Variants in XYLT1 observed in about 807,000 individuals in gnomAD.
XYLT1 encodes the protein beta-D-xylosyltransferase 1.
XYLT1 carries 36 observed loss-of-function variants against 91.3 expected under a neutral mutation model. The observed-to-expected ratio is 0.39, with a 90% CI of 0.30 to 0.52. The LOEUF is 0.52. Among genes scored for constraint, XYLT1 ranks in the 20% least tolerant of loss-of-function variants. XYLT1 has a pLI of 0.68. For missense variants in XYLT1, 1,242 were observed against 1,284.5 expected (o/e 0.97, Z 0.51); for synonymous variants, 588 against 532.0 (o/e 1.11, Z -1.45).
chr16:17,389,761 C>T (rs1469611819), intron 1 of XYLT1, among the ~76,000 whole-genome samples: 1 of 152,214 alleles, frequency 6.6e-6, no homozygotes, highest in East Asian at 1.9e-4. Flanking sequence ...GTGTAGGCTT[C>T]AAGACAGGAT....
intron 2 of XYLT1, among the ~76,000 whole-genome samples, chr16:17,302,345 C>T (rs1256349566): frequency 6.6e-6 from 1 of 152,148 alleles, no homozygotes; most frequent in Admixed American, 6.5e-5. Context: ...CCAGGGGACA[C>T]CGTCGTAGCA....
At chr16:17,342,924 T>C (rs892305196) in intron 2 of XYLT1, among the ~76,000 whole-genome samples, 3 of 152,136 alleles carry the variant, frequency 2.0e-5, no homozygotes, top group Non-Finnish European at 1.5e-5. Flanking sequence ...ATTGCGATGA[T>C]GAAAAGCAAA....
intron 4 of XYLT1, among the ~76,000 whole-genome samples, chr16:17,200,164 T>C (rs2032507493): frequency 6.6e-6 from 1 of 151,082 alleles, no homozygotes; most frequent in Non-Finnish European, 1.5e-5. Context: ...GAGGTTGCAG[T>C]GAGCGGAGAT....
intron 1 of XYLT1, among the ~76,000 whole-genome samples, chr16:17,438,248 GCGC>G (rs2036486054): frequency 6.6e-6 from 1 of 152,146 alleles, no homozygotes; most frequent in African/African-American, 2.4e-5. Flanking sequence ...GATGTTAATA[GCGC>G]TCTCCCCTAA....
In XYLT1 at chr16:17,263,897, C is replaced by T. The variant is rs550754002; in HGVS notation, c.403-4399G>A. Among the ~76,000 whole-genome samples the T allele has an allele frequency of 3.3e-5, 5 of 152,124 alleles. No homozygotes were observed. In the South Asian group the frequency reaches 6.2e-4, roughly 19 times the overall value. Reference sequence around the variant, plus strand: ...CTAATTTTTGTATTTTTAGTAGAGACGGGTTTTCACCATGTTGGCCAGGCT... The same window carrying T: ...CTAATTTTTGTATTTTTAGTAGAGATGGGTTTTCACCATGTTGGCCAGGCT... On this transcript the variant is annotated intron_variant, in intron 2 of 11. Coordinates refer to ENST00000261381, the MANE Select transcript of XYLT1 (RefSeq NM_022166.4).
At chr16:17,208,850 G>T (rs1043985758) in intron 3 of XYLT1, among the ~76,000 whole-genome samples, 25 of 152,192 alleles carry the variant, frequency 1.6e-4, no homozygotes, top group African/African-American at 5.8e-4. Context: ...TCAGCCTCCT[G>T]AGGAGCTGAG....
chr16:17,252,738 C>A (rs983554757), intron 3 of XYLT1, among the ~76,000 whole-genome samples: 1 of 152,104 alleles, frequency 6.6e-6, no homozygotes, highest in Non-Finnish European at 1.5e-5. Flanking sequence ...GGACAGAGAG[C>A]GTGAGGGACA....
At chr16:17,379,763 T>TCTCTCTCA (rs373354877) in intron 1 of XYLT1, among the ~76,000 whole-genome samples, 30 of 125,618 alleles carry the variant, frequency 2.4e-4, no homozygotes, top group South Asian at 5.5e-4. Context: ...TCTCTCTCTC[T>TCTCTCTCA]CACACACACA....
chr16:17,440,965 GCCTA>G (rs929214824), intron 1 of XYLT1, among the ~76,000 whole-genome samples: 1 of 152,154 alleles, frequency 6.6e-6, no homozygotes, highest in African/African-American at 2.4e-5. Flanking sequence ...CATAACCAGT[GCCTA>G]CCTATGTTCT....
chr16:17,380,253 ACT>A (rs2035662487), intron 1 of XYLT1, among the ~76,000 whole-genome samples: 1 of 152,040 alleles, frequency 6.6e-6, no homozygotes, highest in South Asian at 2.1e-4. Flanking sequence ...ATGCCACTGA[ACT>A]CCAGCCTGGG....
chr16:17,394,618 C>T (rs373105452), intron 1 of XYLT1, among the ~76,000 whole-genome samples: 37 of 152,318 alleles, frequency 2.4e-4, no homozygotes, highest in African/African-American at 8.9e-4. Flanking sequence ...AATAAAGCCA[C>T]CACGCTTAGA....
intron 2 of XYLT1, among the ~76,000 whole-genome samples, chr16:17,348,664 G>A (rs775709428): frequency 1.5e-4 from 23 of 152,234 alleles, no homozygotes; most frequent in African/African-American, 5.1e-4. Flanking sequence ...CAGCTCTCAC[G>A]TTCCCCAAGT....
chr16:17,377,175 T>TCACACACA (rs376242678), intron 1 of XYLT1, among the ~76,000 whole-genome samples: 1 of 150,830 alleles, frequency 6.6e-6, no homozygotes, highest in African/African-American at 2.5e-5. Context: ...AGACTCTGCC[T>TCACACACA]CACACACACA....
intron 3 of XYLT1, among the ~76,000 whole-genome samples, chr16:17,214,125 A>C (rs1326488676): frequency 6.6e-6 from 1 of 152,144 alleles, no homozygotes; most frequent in African/African-American, 2.4e-5. Context: ...CCCCTAGGGG[A>C]CCAGCATGGT....
At chr16:17,205,047 T>C (rs958653054) in intron 3 of XYLT1, among the ~76,000 whole-genome samples, 4 of 133,696 alleles carry the variant, frequency 3.0e-5, no homozygotes, top group African/African-American at 8.3e-5. Context: ...AGTGGAAAAA[T>C]CAGAGTGATT....
intron 2 of XYLT1, among the ~76,000 whole-genome samples, chr16:17,332,423 G>A (rs374719054): frequency 1.7e-3 from 262 of 152,156 alleles, no homozygotes; most frequent in African/African-American, 6.0e-3. Flanking sequence ...TTAGCCGGGC[G>A]TGGTGGTGTG....
intron 11 of XYLT1, 73 bp downstream of exon 11, chr16:17,117,573 C>G (rs1157547300): frequency 6.6e-7 from 1 of 1,511,198 alleles, no homozygotes; most frequent in Non-Finnish European, 9.0e-7. Context: ...GCAGTGCTGC[C>G]TACCAACACC....
At chr16:17,122,200 T>C (rs1259218728) in intron 10 of XYLT1, among the ~76,000 whole-genome samples, 1 of 152,214 alleles carries the variant, frequency 6.6e-6, no homozygotes, top group Non-Finnish European at 1.5e-5. Context: ...ATAGTGGTTG[T>C]CCTAGTTTAC....
At chr16:17,322,983 T>C (rs1257874676) in intron 2 of XYLT1, among the ~76,000 whole-genome samples, 1 of 152,210 alleles carries the variant, frequency 6.6e-6, no homozygotes, top group African/African-American at 2.4e-5. Context: ...AAACAGCAGC[T>C]GGTGCCAATC....
Sources: allele counts gnomAD v4.1 joint callset (sites outside exome capture counted in the v4.1 genomes callset), GRCh38; gene constraint gnomAD v4.1.1; transcripts MANE v1.5; gene names NCBI Gene and HGNC (gene_info 2026-07-23, HGNC 2026-07-21).